Variants in HERC3 observed in about 807,000 individuals in gnomAD.
The protein encoded by HERC3 is probable E3 ubiquitin-protein ligase HERC3.
HERC3 carries 58 observed loss-of-function variants against 129.9 expected under a neutral mutation model. The ratio of observed to expected loss-of-function variants is 0.45; its 90% CI spans 0.36 to 0.56. The LOEUF is 0.56. HERC3 is among the 20% of genes least tolerant of loss of function. HERC3 has a pLI of 0.00. For synonymous variants in HERC3, 430 were observed against 451.0 expected (o/e 0.95, Z 0.59); for missense variants, 835 against 1,244.2 (o/e 0.67, Z 4.95).
intron 14 of HERC3, among the ~76,000 whole-genome samples, 162 bp from the exon 15 acceptor site, chr4:88,669,698 C>T (rs1181895412): frequency 6.6e-6 from 1 of 152,086 alleles, no homozygotes; most frequent in Non-Finnish European, 1.5e-5. Flanking sequence ...GTTGTTCTCC[C>T]CAAAAAGGTT....
At chr4:88,690,579 C>T (rs1733974814) in intron 23 of HERC3, 2 of 984,800 alleles carry the variant, frequency 2.0e-6, no homozygotes, top group South Asian at 9.4e-5. Flanking sequence ...TCATAGTGCT[C>T]TGTGAGTATG....
chr4:88,651,615 C>G (rs1004870453), intron 4 of HERC3, among the ~76,000 whole-genome samples: 9 of 152,308 alleles, frequency 5.9e-5, no homozygotes, highest in African/African-American at 2.2e-4. Context: ...TATTATCTGT[C>G]TTTGTTCTTC....
Position 88,680,166 on chromosome 4 carries a change from A to T in HERC3, c.2270A>T (p.Glu757Val). ...GAATTTTTTCTTTTGCTGTTAAAAG[A>T]ACTTTTGAATCCCATCTATGGAATG... ...TKEFFLLLLK[E>V]LLNPIYGMFT... The change falls in exon 20 of 26, where the codon GAA (glutamate) becomes GTA (valine). Residue 757 changes from glutamate to valine, a missense_variant. Transcript: ENST00000402738. 6.2e-7 allele frequency: 1 copy of T among 1,613,440 alleles called. No individual in the cohort carries two copies. Among genetic ancestry groups the T allele is most frequent in the Non-Finnish European group, 8.5e-7 (1 of 1,179,652 alleles).
At chr4:88,669,740 A>G (rs1731415401) in intron 14 of HERC3, 120 bp from the exon 15 acceptor site, 1 of 794,678 alleles carries the variant, frequency 1.3e-6, no homozygotes, top group Non-Finnish European at 1.9e-6. Context: ...CAGTTTTGGG[A>G]AAATGTATTT....
At chr4:88,562,221 T>C in the HERC3 span, among the ~76,000 whole-genome samples, 1 of 152,240 alleles carries the variant, frequency 6.6e-6, no homozygotes, top group African/African-American at 2.4e-5. Context: ...CTCATTGTAA[T>C]TTTGATTTGC....
intron 16 of HERC3, among the ~76,000 whole-genome samples, chr4:88,674,213 G>C (rs1404805086): frequency 6.6e-6 from 1 of 152,112 alleles, no homozygotes; most frequent in East Asian, 1.9e-4. Context: ...AAGGGGTGCA[G>C]GGAGGCTCAA....
the HERC3 span, among the ~76,000 whole-genome samples, chr4:88,558,071 CAAAA>C: frequency 2.6e-5 from 1 of 39,156 alleles, no homozygotes; most frequent in Non-Finnish European, 6.6e-5. Flanking sequence ...GACTCTGACT[CAAAA>C]AAAAAAAAAA....
rs182818932 is a variant in HERC3 at position 88,630,577 on chromosome 4, G to C, written c.227-19263G>C. Among the ~76,000 whole-genome samples, 25 of 152,198 alleles carry C rather than the reference G, an allele frequency of 1.6e-4. 1 individual carries two copies. The highest frequency in any genetic ancestry group is 1.6e-3 in the Admixed American group (25 of 15,266). The stretch of plus-strand genomic sequence containing the variant: ...TGCTGTAGTTTTACAGAAAAGGAAA[G>C]ATCTGTGAAGGATAAAGCATTCATG... On this transcript the variant is annotated intron_variant, in intron 3 of 25. Coordinates refer to ENST00000402738, the MANE Select transcript of HERC3 (RefSeq NM_014606.3).
chr4:88,546,267 G>A, the HERC3 span, among the ~76,000 whole-genome samples: 2 of 152,106 alleles, frequency 1.3e-5, no homozygotes, highest in Non-Finnish European at 2.9e-5. Flanking sequence ...GATATTGCTG[G>A]TTACCTTGGC....
rs1212558169 is a variant in HERC3, at chr4:88,653,024, C to G, written c.619C>G (p.Leu207Val). The change falls in exon 6 of 26, where the codon CTC becomes GTC. Residue 207 changes from leucine (L) to valine (V), a missense_variant. By Grantham distance (32) the Leu-to-Val change is conservative. Transcript: ENST00000402738. ...AGGGGCTCACAGCTTTGCCCTGTCT[C>G]TCTCAGGAGCTGTTTTTGGCTGGGG... ...AGGAHSFALSLSGAVFGWGMN... is the reference protein window; with the variant it reads ...AGGAHSFALSVSGAVFGWGMN... The G allele has an allele frequency of 1.3e-5, 21 of 1,614,220 alleles. No individual in the cohort carries two copies. The highest frequency in any genetic ancestry group is 1.5e-5 in the Non-Finnish European group (18 of 1,180,048).
rs1405449548 is a variant in HERC3, at chr4:88,668,051, C to T, written c.1603C>T (p.Arg535Trp). 15 of 1,613,470 alleles carry T rather than the reference C, an allele frequency of 9.3e-6. No individual in the cohort carries two copies. The highest frequency in any genetic ancestry group is 1.3e-5 in the Non-Finnish European group (15 of 1,179,664). ...TATTCCCTTGGCTATGGCCATTCTT[C>T]GGCTGGATACAAACCCCAGCAAAGT... Reference protein sequence around the residue: ...LTIPLAMAILRLDTNPSKVLD... With the variant: ...LTIPLAMAILWLDTNPSKVLD... The change falls in exon 14 of 26, where the codon CGG becomes TGG. Residue 535 changes from arginine to tryptophan, a missense_variant. Arg to Trp is a moderately radical substitution (Grantham distance 101). Transcript: ENST00000402738.
chr4:88,682,518 T>C (rs1732910927), intron 21 of HERC3, among the ~76,000 whole-genome samples: 1 of 124,900 alleles, frequency 8.0e-6, no homozygotes, highest in Admixed American at 1.0e-4. Context: ...TTCCGCTTCC[T>C]GTGTCCATGT....
In HERC3 at chr4:88,669,321, A is replaced by T. The variant is rs113508086; in HGVS notation, c.1634-539A>T. Among the ~76,000 whole-genome samples, 1,512 of 152,292 alleles carry T rather than the reference A, an allele frequency of 9.9e-3. 23 individuals are homozygous for T. Among genetic ancestry groups the T allele is most frequent in the African/African-American group, 0.034 (1,413 of 41,536 alleles). ...TGGCTGAGTTTATTTCCAACGAAGTATAAGCCAGTGGTATATCTTCTTGTC... is the reference window on the plus strand; with the variant it reads ...TGGCTGAGTTTATTTCCAACGAAGTTTAAGCCAGTGGTATATCTTCTTGTC... On this transcript the variant is annotated intron_variant, in intron 14 of 25. Transcript: ENST00000402738.
intron 3 of HERC3, among the ~76,000 whole-genome samples, chr4:88,648,009 A>G (rs763552751): frequency 2.6e-5 from 4 of 152,276 alleles, no homozygotes; most frequent in Non-Finnish European, 5.9e-5. Flanking sequence ...TCTTTTAAAT[A>G]AAATTTGACA....
the HERC3 span, among the ~76,000 whole-genome samples, chr4:88,571,333 A>C: frequency 6.6e-6 from 1 of 152,242 alleles, no homozygotes; most frequent in Non-Finnish European, 1.5e-5. Context: ...TAATATACAA[A>C]TTAGTAATGG....
chr4:88,688,698 C>T (rs963703396), intron 23 of HERC3, among the ~76,000 whole-genome samples: 1 of 152,066 alleles, frequency 6.6e-6, no homozygotes, highest in Non-Finnish European at 1.5e-5. Flanking sequence ...ATTTATATAT[C>T]TCAATAAAGA....
chr4:88,655,189 A>G lies in HERC3; in HGVS notation c.793A>G (p.Thr265Ala), dbSNP rs754935509. 6.2e-7 allele frequency: 1 copy of G among 1,613,844 alleles called. No homozygotes were observed. ...AVLTKSGGVF[T>A]FGAGSCGQLG... Reference sequence around the variant, plus strand: ...TCCTTGTTAGAGTGGAGGTGTGTTTACCTTTGGCGCTGGTTCCTGTGGGCA... The same window carrying G: ...TCCTTGTTAGAGTGGAGGTGTGTTTGCCTTTGGCGCTGGTTCCTGTGGGCA... Residue 265 changes from threonine (T) to alanine (A), a missense_variant, in exon 8 of 26, where the codon ACC becomes GCC. Thr to Ala is a moderately conservative substitution (Grantham distance 58). Coordinates refer to ENST00000402738, the MANE Select transcript of HERC3 (RefSeq NM_014606.3).
intron 3 of HERC3, among the ~76,000 whole-genome samples, chr4:88,634,492 A>G (rs2930805): frequency 0.1 from 15,208 of 152,108 alleles, 1,336 homozygotes; most frequent in East Asian, 0.29. Flanking sequence ...TGATCTCCCT[A>G]GGCCTGAACC....
At chr4:88,601,774 G>GTATATTTGGAAACT (rs765314083) in intron 2 of HERC3, among the ~76,000 whole-genome samples, 6 of 146,942 alleles carry the variant, frequency 4.1e-5, no homozygotes, top group African/African-American at 1.6e-4. Context: ...GGATATTCAG[G>GTATATTTGGAAACT]GGCCGGGCGC....
Sources: allele counts gnomAD v4.1 joint callset (sites outside exome capture counted in the v4.1 genomes callset), GRCh38; gene constraint gnomAD v4.1.1; transcripts MANE v1.5; gene names NCBI Gene and HGNC (gene_info 2026-07-23, HGNC 2026-07-21).